The following NRXN3 variants were observed in gnomAD, a reference collection of about 807,000 sequenced individuals.
NRXN3 encodes neurexin 3, also known as neurexin III.
In NRXN3, 32 loss-of-function variants were observed where a neutral mutation model predicts 137.6. That is an observed-to-expected ratio of 0.23 (90% confidence interval 0.18 to 0.31). NRXN3 has a LOEUF of 0.31. Ranked by LOEUF, NRXN3 falls within the 10% of genes least tolerant of loss-of-function variation. NRXN3 has a pLI of 1.00. For synonymous variants in NRXN3, 798 were observed against 784.5 expected (o/e 1.02, Z -0.29); for missense variants, 1,574 against 2,062.5 (o/e 0.76, Z 4.59).
intron 4 of NRXN3, among the ~76,000 whole-genome samples, chr14:78,599,006 C>T (rs1300618446): frequency 6.6e-6 from 1 of 152,172 alleles, no homozygotes; most frequent in Non-Finnish European, 1.5e-5. Flanking sequence ...GGTCTTCTTA[C>T]CCTGACGGTT....
At chr14:78,934,308 C>T (rs562695121) in intron 10 of NRXN3, among the ~76,000 whole-genome samples, 1 of 152,132 alleles carries the variant, frequency 6.6e-6, no homozygotes, top group African/African-American at 2.4e-5. Context: ...AACACGAGAG[C>T]TTTCCAAACT....
At chr14:79,766,520 T>C (rs899143564) in intron 19 of NRXN3, among the ~76,000 whole-genome samples, 4 of 152,240 alleles carry the variant, frequency 2.6e-5, no homozygotes, top group Non-Finnish European at 5.9e-5. Flanking sequence ...ATCTGCTACC[T>C]ACGACCACTG....
At position 79,505,129 on chromosome 14, in the gene NRXN3, C is replaced by T. The variant is rs557687018; in HGVS notation, c.3444+37727C>T. On this transcript the variant is annotated intron_variant, in intron 16 of 20. Transcript: ENST00000335750. Reference sequence around the variant, plus strand: ...ACTGGGGAGGCCGAGGCAGGAGAATCGCTTGAACTTAGGAGGTGAAGGTTG... The same window carrying T: ...ACTGGGGAGGCCGAGGCAGGAGAATTGCTTGAACTTAGGAGGTGAAGGTTG... Among the ~76,000 whole-genome samples the T allele has an allele frequency of 5.3e-5, 8 of 151,088 alleles. No homozygotes were observed. The South Asian group carries it at 8.3e-4, about 16-fold the overall frequency.
At chr14:78,860,198 T>C (rs548587480) in intron 10 of NRXN3, among the ~76,000 whole-genome samples, 1 of 152,288 alleles carries the variant, frequency 6.6e-6, no homozygotes, top group South Asian at 2.1e-4. Context: ...GTACCTTATA[T>C]GCATTGTTAC....
intron 15 of NRXN3, chr14:79,279,362 T>C (rs1381931280): frequency 5.1e-6 from 5 of 985,946 alleles, no homozygotes; most frequent in African/African-American, 1.7e-5. Flanking sequence ...ATTTGTGAAT[T>C]TGGCTCCCCA....
At chr14:79,594,052 T>C (rs2097838357) in intron 16 of NRXN3, among the ~76,000 whole-genome samples, 1 of 152,234 alleles carries the variant, frequency 6.6e-6, no homozygotes, top group South Asian at 2.1e-4. Flanking sequence ...GGGCAACTCA[T>C]TGCTTAGAGA....
intron 15 of NRXN3, among the ~76,000 whole-genome samples, chr14:79,347,258 AAATT>A (rs1412011600): frequency 2.0e-5 from 3 of 152,112 alleles, no homozygotes; most frequent in Admixed American, 6.5e-5. Flanking sequence ...AAATTTTTAA[AAATT>A]AAATAAAAAC....
At chr14:79,542,050 A>C (rs1156584740) in intron 16 of NRXN3, among the ~76,000 whole-genome samples, 1 of 152,222 alleles carries the variant, frequency 6.6e-6, no homozygotes, top group Non-Finnish European at 1.5e-5. Flanking sequence ...ATCACTAGCC[A>C]AGAGAGGGGA....
chr14:79,206,117 A>G (rs891988386), intron 15 of NRXN3, among the ~76,000 whole-genome samples: 1 of 152,214 alleles, frequency 6.6e-6, no homozygotes, highest in African/African-American at 2.4e-5. Flanking sequence ...GTGACTATCA[A>G]TACATAATAA....
intron 20 of NRXN3, among the ~76,000 whole-genome samples, chr14:79,830,950 G>A (rs893235925): frequency 2.0e-5 from 3 of 152,150 alleles, no homozygotes; most frequent in Non-Finnish European, 2.9e-5. Context: ...GAAACAGGTT[G>A]AAGAAGCTCA....
Position 78,874,823 on chromosome 14 carries a change from G to A in NRXN3, c.2275+64479G>A, listed in dbSNP as rs147122338. 6.8e-4 allele frequency among the ~76,000 whole-genome samples: 103 copies of A among 152,316 alleles called. 1 individual carries two copies. The highest frequency in any genetic ancestry group is 1.3e-3 in the Non-Finnish European group (88 of 68,036). Reference sequence around the variant, plus strand: ...TTTGATGGGGAGTAGATGCCAGAAGGCATTGACAAGTGGCACCATGCAGGC... The same window carrying A: ...TTTGATGGGGAGTAGATGCCAGAAGACATTGACAAGTGGCACCATGCAGGC... On this transcript the variant is annotated intron_variant, in intron 10 of 20. Coordinates refer to ENST00000335750, the MANE Select transcript of NRXN3 (RefSeq NM_001330195.2).
At chr14:79,770,635 G>A (rs1322954822) in intron 19 of NRXN3, among the ~76,000 whole-genome samples, 2 of 149,796 alleles carry the variant, frequency 1.3e-5, no homozygotes, top group African/African-American at 2.5e-5. Flanking sequence ...GTGTGTAGAG[G>A]GAAATTTATA....
chr14:79,218,422 C>T (rs1260521082), intron 15 of NRXN3, among the ~76,000 whole-genome samples: 1 of 152,102 alleles, frequency 6.6e-6, no homozygotes. Context: ...ATTCAGGAAA[C>T]CTTTGAGCAC....
chr14:79,116,461 C>T (rs983468015), intron 15 of NRXN3, among the ~76,000 whole-genome samples: 1 of 152,232 alleles, frequency 6.6e-6, no homozygotes, highest in Non-Finnish European at 1.5e-5. Context: ...TACGCATACA[C>T]CACAGTCATA....
At chr14:79,787,367 C>A (rs571638412) in intron 19 of NRXN3, among the ~76,000 whole-genome samples, 1 of 152,226 alleles carries the variant, frequency 6.6e-6, no homozygotes, top group African/African-American at 2.4e-5. Flanking sequence ...TACTCATCAC[C>A]TCAAATTCTT....
chr14:78,227,597 A>AC (rs1163223277), intron 1 of NRXN3, among the ~76,000 whole-genome samples: 3 of 152,122 alleles, frequency 2.0e-5, no homozygotes, highest in African/African-American at 7.2e-5. Context: ...TAGGGCTCTC[A>AC]CCAGAGCACC....
intron 1 of NRXN3, among the ~76,000 whole-genome samples, chr14:78,191,443 C>T (rs558767228): frequency 7.2e-5 from 11 of 152,238 alleles, no homozygotes; most frequent in Admixed American, 1.3e-4. Context: ...GCAGTCAGAA[C>T]GGAGGGACAG....
chr14:78,498,816 G>A (rs1487400135), intron 4 of NRXN3, among the ~76,000 whole-genome samples: 1 of 151,694 alleles, frequency 6.6e-6, no homozygotes, highest in African/African-American at 2.4e-5. Context: ...TTTGAGATGG[G>A]GGTCTCACTA....
intron 4 of NRXN3, among the ~76,000 whole-genome samples, chr14:78,577,436 T>C (rs2096947753): frequency 6.6e-6 from 1 of 152,204 alleles, no homozygotes; most frequent in African/African-American, 2.4e-5. Context: ...ATTGTTAATA[T>C]GCTAGTATAC....
Sources: gnomAD v4.1 joint callset for allele counts (sites outside exome capture counted in the v4.1 genomes callset) on GRCh38, gnomAD v4.1.1 for gene constraint, MANE v1.5 for transcripts, NCBI Gene and HGNC (gene_info 2026-07-23, HGNC 2026-07-21) for gene names.